CELF4: variants seen among roughly 807,000 people sequenced by gnomAD.
CELF4 encodes the protein CUG-BP- and ETR-3-like factor 4.
Under a neutral mutation model 59.9 loss-of-function variants are expected in CELF4, and 18 were observed. The observed-to-expected ratio is 0.30, with a 90% CI of 0.21 to 0.45. The LOEUF is 0.45. CELF4 is among the 20% of genes least tolerant of loss of function. The pLI, the probability that CELF4 is intolerant of heterozygous loss-of-function variation, is 1.00. For synonymous variants in CELF4, 261 were observed against 267.1 expected (o/e 0.98, Z 0.22); for missense variants, 456 against 689.0 (o/e 0.66, Z 3.79).
chr18:37,475,252 C>T (rs905677629), intron 2 of CELF4, among the ~76,000 whole-genome samples: 11 of 152,228 alleles, frequency 7.2e-5, no homozygotes, highest in Admixed American at 7.2e-4. Flanking sequence ...CCAACTAAGA[C>T]AATATCCTTT....
At chr18:37,301,493 G>A (rs1214925894) in intron 3 of CELF4, among the ~76,000 whole-genome samples, 2 of 152,194 alleles carry the variant, frequency 1.3e-5, no homozygotes, top group Admixed American at 6.5e-5. Flanking sequence ...CAAAGTCCCA[G>A]GGACAGGTGT....
At chr18:37,287,239 A>G (rs1172936567) in intron 3 of CELF4, among the ~76,000 whole-genome samples, 1 of 152,038 alleles carries the variant, frequency 6.6e-6, no homozygotes, top group East Asian at 1.9e-4. Context: ...CAGGGAAGGG[A>G]TGCAATGGGA....
chr18:37,492,664 A>G (rs1007990888), intron 1 of CELF4, among the ~76,000 whole-genome samples: 20 of 152,174 alleles, frequency 1.3e-4, no homozygotes, highest in Non-Finnish European at 2.9e-4. Context: ...ATGTCCTCCC[A>G]CTTCGAGTAC....
intron 2 of CELF4, among the ~76,000 whole-genome samples, chr18:37,325,166 G>T (rs548868434): frequency 7.1e-6 from 1 of 140,836 alleles, no homozygotes; most frequent in Non-Finnish European, 1.5e-5. Context: ...CCCAACGGGG[G>T]AGTGAGGCCA....
chr18:37,320,819 C>A (rs2097088939), intron 3 of CELF4, among the ~76,000 whole-genome samples: 3 of 152,146 alleles, frequency 2.0e-5, no homozygotes, highest in African/African-American at 7.2e-5. Flanking sequence ...CAGGGGCCTG[C>A]ACATTCTTCT....
intron 3 of CELF4, among the ~76,000 whole-genome samples, chr18:37,319,357 C>T (rs373577639): frequency 6.6e-6 from 1 of 152,234 alleles, no homozygotes; most frequent in East Asian, 1.9e-4. Context: ...ACCAACTGGA[C>T]CTTGACTACC....
chr18:37,249,844 A>G (rs1234042188), intron 12 of CELF4, among the ~76,000 whole-genome samples: 1 of 152,120 alleles, frequency 6.6e-6, no homozygotes, highest in East Asian at 1.9e-4. Context: ...GTCTCAAGCA[A>G]AGGAGGGCCA....
chr18:37,297,413 C>T (rs2154436884), intron 3 of CELF4, among the ~76,000 whole-genome samples: 1 of 152,328 alleles, frequency 6.6e-6, no homozygotes, highest in East Asian at 1.9e-4. Context: ...CTCATCAGAG[C>T]ACGGTCCTCC....
chr18:37,328,610 AT>A (rs1569564983), intron 2 of CELF4, among the ~76,000 whole-genome samples: 1 of 152,130 alleles, frequency 6.6e-6, no homozygotes, highest in Non-Finnish European at 1.5e-5. Context: ...TTACCTCCCC[AT>A]TCCTGTGTGG....
At position 37,409,690 on chromosome 18, in the gene CELF4, C is replaced by T. The variant is rs192796962; in HGVS notation, c.369+75835G>A. ...ATGGGTGACAGAACCTGGCAGGTGA[C>T]AAAGACAGGAGGGGGAGCTGAGGGA... On this transcript the variant is annotated intron_variant, in intron 2 of 12. Coordinates refer to ENST00000420428, the MANE Select transcript of CELF4 (RefSeq NM_020180.4). 2.7e-3 allele frequency among the ~76,000 whole-genome samples: 417 copies of T among 151,982 alleles called. 1 individual carries two copies. Among genetic ancestry groups the T allele is most frequent in the Non-Finnish European group, 4.2e-3 (288 of 67,934 alleles).
chr18:37,564,851 T>C (rs1428539149), intron 1 of CELF4, among the ~76,000 whole-genome samples: 1 of 152,098 alleles, frequency 6.6e-6, no homozygotes, highest in Non-Finnish European at 1.5e-5. Context: ...TCTTTGAATT[T>C]GTCACCTCTC....
chr18:37,554,623 C>T (rs192082457), intron 1 of CELF4, among the ~76,000 whole-genome samples: 3 of 152,164 alleles, frequency 2.0e-5, no homozygotes, highest in Non-Finnish European at 2.9e-5. Context: ...GTTGCCTTGA[C>T]GACTCTGGAA....
intron 2 of CELF4, among the ~76,000 whole-genome samples, chr18:37,367,876 C>G (rs1203382940): frequency 6.6e-6 from 1 of 152,118 alleles, no homozygotes; most frequent in Non-Finnish European, 1.5e-5. Context: ...GTCCCTCTCC[C>G]CACCTTTCCT....
chr18:37,523,321 C>T (rs1041899215), intron 1 of CELF4, among the ~76,000 whole-genome samples: 5 of 152,212 alleles, frequency 3.3e-5, no homozygotes, highest in Non-Finnish European at 1.5e-5. Flanking sequence ...CCAGGAGGCC[C>T]CAGATGTTCT....
At chr18:37,464,402 T>C (rs993933937) in intron 2 of CELF4, among the ~76,000 whole-genome samples, 3 of 152,154 alleles carry the variant, frequency 2.0e-5, no homozygotes, top group Admixed American at 2.0e-4. Context: ...CATCGATGCC[T>C]AGCCTCTCCC....
At chr18:37,368,963 G>A (rs533983308) in intron 2 of CELF4, among the ~76,000 whole-genome samples, 8 of 152,322 alleles carry the variant, frequency 5.3e-5, no homozygotes, top group East Asian at 3.9e-4. Context: ...GACCACATGC[G>A]CACTGCAAAC....
chr18:37,461,673 T>C (rs1033690454), intron 2 of CELF4, among the ~76,000 whole-genome samples: 5 of 152,230 alleles, frequency 3.3e-5, no homozygotes, highest in African/African-American at 7.2e-5. Flanking sequence ...GCCAGAGCTG[T>C]CCTGCTAAGC....
intron 1 of CELF4, among the ~76,000 whole-genome samples, chr18:37,546,932 T>C (rs1235960138): frequency 6.6e-6 from 1 of 152,120 alleles, no homozygotes; most frequent in Non-Finnish European, 1.5e-5. Flanking sequence ...ATCTCTCCTG[T>C]CCAGCACATG....
At chr18:37,501,431 G>A (rs2099931776) in intron 1 of CELF4, among the ~76,000 whole-genome samples, 1 of 152,214 alleles carries the variant, frequency 6.6e-6, no homozygotes, top group African/African-American at 2.4e-5. Context: ...TGGGGCCTGC[G>A]GGTCTCCATT....
Sources: gnomAD v4.1 joint callset for allele counts (sites outside exome capture counted in the v4.1 genomes callset) on GRCh38, gnomAD v4.1.1 for gene constraint, MANE v1.5 for transcripts, NCBI Gene and HGNC (gene_info 2026-07-23, HGNC 2026-07-21) for gene names.